HNF1B: variants seen among roughly 807,000 people sequenced by gnomAD.
The protein encoded by HNF1B is HNF1 homeobox B.
In HNF1B, 8 loss-of-function variants were observed where a neutral mutation model predicts 61.7. That is an observed-to-expected ratio of 0.13 (90% CI 0.08 to 0.23). The LOEUF (loss-of-function observed/expected upper bound fraction) is 0.23. Ranked by LOEUF, HNF1B falls within the 10% of genes least tolerant of loss-of-function variation. HNF1B has a pLI of 1.00. For missense variants in HNF1B, 562 were observed against 714.5 expected (o/e 0.79, Z 2.43); for synonymous variants, 314 against 287.7 (o/e 1.09, Z -0.93).
intron 1 of HNF1B, among the ~76,000 whole-genome samples, chr17:37,741,691 A>G (rs2033996070): frequency 6.6e-6 from 1 of 152,240 alleles, no homozygotes; most frequent in Non-Finnish European, 1.5e-5. Context: ...ATATTGCTTT[A>G]GCAAATTCTT....
intron 4 of HNF1B, among the ~76,000 whole-genome samples, chr17:37,727,644 G>A (rs913675076): frequency 1.3e-5 from 2 of 152,176 alleles, no homozygotes; most frequent in African/African-American, 2.4e-5. Context: ...CCAATCAGCC[G>A]CTGACAGAGG....
Position 37,727,834 on chromosome 17 carries a change from T to C in HNF1B, c.1045+3761A>G, listed in dbSNP as rs553451637. Among the ~76,000 whole-genome samples, 266 of 152,142 alleles carry C rather than the reference T, an allele frequency of 1.7e-3. 1 individual carries two copies. Among genetic ancestry groups the C allele is most frequent in the African/African-American group, 6.2e-3 (258 of 41,494 alleles). ...TTCTGGGGAAGCTTCGTCTCCAAGG[T>C]GCTGCCAGCCCTCCTGGCTCAGGTG... On this transcript the variant is annotated intron_variant, in intron 4 of 8. Transcript: ENST00000617811.
chr17:37,715,823 TG>T (rs2033089546), intron 4 of HNF1B, among the ~76,000 whole-genome samples: 2 of 152,190 alleles, frequency 1.3e-5, no homozygotes, highest in African/African-American at 4.8e-5. Flanking sequence ...ATCTTTTTAT[TG>T]GATTCTTATC....
intron 8 of HNF1B, among the ~76,000 whole-genome samples, chr17:37,698,178 C>T (rs1042596737): frequency 2.0e-5 from 3 of 152,096 alleles, no homozygotes; most frequent in Non-Finnish European, 4.4e-5. Context: ...GAGCTTCTGA[C>T]ATGAAGTTCA....
chr17:37,718,429 C>T (rs1195014604), intron 4 of HNF1B, among the ~76,000 whole-genome samples: 1 of 152,208 alleles, frequency 6.6e-6, no homozygotes, highest in Non-Finnish European at 1.5e-5. Flanking sequence ...CTTGGGCAGT[C>T]CTCACATCTG....
Position 37,731,246 on chromosome 17 carries a change from G to A in HNF1B, c.1045+349C>T, listed in dbSNP as rs2033671379. On this transcript the variant is annotated intron_variant, in intron 4 of 8. Transcript: ENST00000617811. ...GAGGGTTGCCACGCCATCACGACCC[G>A]TTTGCCTGCGGTTTGGATCTGGCCC... is the stretch of plus-strand genomic sequence containing the variant. The A allele has an allele frequency of 2.5e-5, 11 of 439,286 alleles. No homozygotes were observed. In the Middle Eastern group the frequency reaches 1.9e-3, roughly 78 times the overall value. The allele number at this position is 439,286 out of a possible 1,614,324, so 27.2% of individuals were successfully genotyped here. A position where few individuals can be genotyped will look rare whatever the true frequency, so the allele number is the denominator to read the frequency against.
intron 1 of HNF1B, among the ~76,000 whole-genome samples, chr17:37,742,761 C>G (rs2034034033): frequency 6.6e-6 from 1 of 151,234 alleles, no homozygotes; most frequent in South Asian, 2.1e-4. Context: ...GCCGGGCCTG[C>G]GGGTGTCGGC....
chr17:37,725,778 C>T (rs1056931569), intron 4 of HNF1B, among the ~76,000 whole-genome samples: 5 of 152,250 alleles, frequency 3.3e-5, no homozygotes, highest in African/African-American at 9.6e-5. Context: ...AAACCCCTCC[C>T]GCTGTCTGCT....
At chr17:37,716,623 T>G (rs1054908955) in intron 4 of HNF1B, among the ~76,000 whole-genome samples, 1 of 152,236 alleles carries the variant, frequency 6.6e-6, no homozygotes, top group Non-Finnish European at 1.5e-5. Context: ...TGCGCCTGTG[T>G]GTTCAAAGAC....
At chr17:37,693,100 G>C (rs2032261106) in intron 8 of HNF1B, among the ~76,000 whole-genome samples, 1 of 147,536 alleles carries the variant, frequency 6.8e-6, no homozygotes, top group Admixed American at 7.0e-5. Flanking sequence ...TGAGGCGGGA[G>C]AATTGCTTGT....
At position 37,694,710 on chromosome 17, in the gene HNF1B, G is replaced by C. The variant is rs999074893; in HGVS notation, c.1653+4366C>G. Among the ~76,000 whole-genome samples the C allele has an allele frequency of 2.0e-5, 3 of 152,078 alleles. No homozygotes were observed. In the East Asian group the frequency reaches 5.8e-4, roughly 29 times the overall value. ...GTCACCCTCCTTACGCCCAGGCAGAGAACTTGGCTGCATTGTGTCCATATT... is the reference window on the plus strand; with the variant it reads ...GTCACCCTCCTTACGCCCAGGCAGACAACTTGGCTGCATTGTGTCCATATT... On this transcript the variant is annotated intron_variant, in intron 8 of 8. Coordinates refer to ENST00000617811, the MANE Select transcript of HNF1B (RefSeq NM_000458.4).
At position 37,687,076 on chromosome 17, in the gene HNF1B, G is replaced by C; in HGVS notation, c.*296C>G. On this transcript the variant is annotated 3_prime_UTR_variant, in exon 9 of 9. Transcript: ENST00000617811. ...TGAAGGATCACAACATAGACAGTAC[G>C]GCTTTCTTGCTTCCTCTTCGGAGGT... 1 of 601,466 alleles carries C rather than the reference G, an allele frequency of 1.7e-6. No homozygotes were observed. Among genetic ancestry groups the C allele is most frequent in the South Asian group, 1.9e-5 (1 of 51,380 alleles). The allele number at this position is 601,466 out of a possible 1,614,324, so 37.3% of individuals were successfully genotyped here.
At chr17:37,715,653 C>G (rs1355329843) in intron 4 of HNF1B, among the ~76,000 whole-genome samples, 1 of 152,186 alleles carries the variant, frequency 6.6e-6, no homozygotes, top group Non-Finnish European at 1.5e-5. Context: ...GGAGTCACAT[C>G]TTTTCCTTCC....
intron 5 of HNF1B, among the ~76,000 whole-genome samples, chr17:37,706,160 T>C (rs942579174): frequency 5.3e-5 from 8 of 152,180 alleles, no homozygotes; most frequent in Admixed American, 4.6e-4. Flanking sequence ...GATTTCACTA[T>C]GTTGACCAGG....
chr17:37,743,820 T>TGA (rs1272698165), intron 1 of HNF1B, among the ~76,000 whole-genome samples: 3 of 152,342 alleles, frequency 2.0e-5, no homozygotes, highest in Non-Finnish European at 4.4e-5. Flanking sequence ...TTTCTCAGAC[T>TGA]GAGACCAGAT....
In HNF1B at chr17:37,731,647, G is replaced by A. The variant is rs775644422; in HGVS notation, c.993C>T (p.Ser331=). The change falls in exon 4 of 9, where the codon TCC becomes TCT. Residue 331 remains serine, a synonymous_variant. Coordinates refer to ENST00000617811, the MANE Select transcript of HNF1B (RefSeq NM_000458.4). ...NQTHSLNPLL[S]HGSPHHQPSS... Reference sequence around the variant, plus strand: ...TGGGCTGGTGGTGGGGGGAGCCGTGGGAGAGCAGAGGGTTCAGGCTGTGAG... The same window carrying A: ...TGGGCTGGTGGTGGGGGGAGCCGTGAGAGAGCAGAGGGTTCAGGCTGTGAG... 5.6e-6 allele frequency: 9 copies of A among 1,614,014 alleles called. No individual in the cohort carries two copies. In the African/African-American group the frequency reaches 9.3e-5, roughly 17 times the overall value.
At chr17:37,737,081 C>T (rs1050414016) in intron 2 of HNF1B, among the ~76,000 whole-genome samples, 4 of 152,114 alleles carry the variant, frequency 2.6e-5, no homozygotes, top group Non-Finnish European at 4.4e-5. Flanking sequence ...TGAATATTAC[C>T]ATTTGTTATT....
At chr17:37,726,481 A>G (rs1160342719) in intron 4 of HNF1B, among the ~76,000 whole-genome samples, 1 of 152,212 alleles carries the variant, frequency 6.6e-6, no homozygotes, top group East Asian at 1.9e-4. Flanking sequence ...TCGTTGAGTC[A>G]CTACCTTGCC....
At chr17:37,740,295 C>T (rs1165633408) in intron 1 of HNF1B, among the ~76,000 whole-genome samples, 17 of 152,118 alleles carry the variant, frequency 1.1e-4, no homozygotes. Flanking sequence ...CTCCATTTTC[C>T]TGCAATGTGG....
Sources: allele counts gnomAD v4.1 joint callset (sites outside exome capture counted in the v4.1 genomes callset), GRCh38; gene constraint gnomAD v4.1.1; transcripts MANE v1.5; gene names NCBI Gene and HGNC (gene_info 2026-07-23, HGNC 2026-07-21).